The following NBAS variants were observed in gnomAD, a reference collection of about 807,000 sequenced individuals.
NBAS encodes the protein NBAS subunit of NRZ tethering complex.
NBAS carries 219 observed loss-of-function variants against 302.5 expected under a neutral mutation model. The observed-to-expected ratio is 0.72, with a 90% CI of 0.65 to 0.81. The LOEUF (loss-of-function observed/expected upper bound fraction) is 0.81. NBAS is among the 30% of genes least tolerant of loss of function. The probability of loss-of-function intolerance (pLI) is 0.00; values close to 1 mark genes in which losing one functional copy is unlikely to be tolerated. For missense variants in NBAS, 2,932 were observed against 2,841.6 expected, an observed-to-expected ratio of 1.03 and a Z score of -0.72; for synonymous variants, 1,118 against 1,021.6, an observed-to-expected ratio of 1.09 and a Z score of -1.80.
At chr2:14,891,598 C>T in the NBAS span, among the ~76,000 whole-genome samples, 1 of 152,190 alleles carries the variant, frequency 6.6e-6, no homozygotes, top group Non-Finnish European at 1.5e-5. Flanking sequence ...TCTATACTGT[C>T]ATTCCCATTT....
intron 48 of NBAS, among the ~76,000 whole-genome samples, chr2:15,203,577 A>G (rs1401440554): frequency 6.6e-6 from 1 of 152,212 alleles, no homozygotes; most frequent in Non-Finnish European, 1.5e-5. Context: ...TATTTTCTCC[A>G]AATATAAAAT....
the NBAS span, among the ~76,000 whole-genome samples, chr2:15,127,602 GTTC>G: frequency 1.3e-5 from 2 of 152,342 alleles, no homozygotes; most frequent in East Asian, 3.9e-4. Context: ...TATTAAGGCT[GTTC>G]TTCTTTTAAG....
chr2:14,882,866 T>C, the NBAS span, among the ~76,000 whole-genome samples: 1 of 152,202 alleles, frequency 6.6e-6, no homozygotes, highest in Non-Finnish European at 1.5e-5. Context: ...AACAACATCC[T>C]CTGGCACTCT....
At chr2:14,945,821 C>T in the NBAS span, among the ~76,000 whole-genome samples, 2 of 152,182 alleles carry the variant, frequency 1.3e-5, no homozygotes, top group African/African-American at 4.8e-5. Flanking sequence ...TGGCTCACAC[C>T]TGTAATATTA....
the NBAS span, among the ~76,000 whole-genome samples, chr2:14,819,061 T>A: frequency 6.6e-6 from 1 of 152,224 alleles, no homozygotes; most frequent in Non-Finnish European, 1.5e-5. Context: ...TTCCTGTGCC[T>A]CCCTCTGTCA....
the NBAS span, among the ~76,000 whole-genome samples, chr2:15,016,906 T>C: frequency 3.9e-5 from 6 of 152,330 alleles, no homozygotes; most frequent in East Asian, 5.8e-4. Flanking sequence ...GATGGTTTGA[T>C]ATAGGCATGC....
chr2:14,888,821 G>C, the NBAS span, among the ~76,000 whole-genome samples: 1 of 152,184 alleles, frequency 6.6e-6, no homozygotes, highest in Non-Finnish European at 1.5e-5. Context: ...GAGTGAGAAA[G>C]CCAGTTTTAA....
At chr2:14,890,840 C>T in the NBAS span, 1 of 146,744 alleles carries the variant, frequency 6.8e-6, no homozygotes. Flanking sequence ...AACAAACAAA[C>T]AAACAAACAA....
At chr2:15,537,854 A>C (rs540148793) in intron 7 of NBAS, among the ~76,000 whole-genome samples, 60 of 152,326 alleles carry the variant, frequency 3.9e-4, no homozygotes, top group African/African-American at 1.4e-3. Context: ...GTCTTTTGTC[A>C]GTTTAATTTG....
chr2:14,796,139 G>T, the NBAS span, among the ~76,000 whole-genome samples: 1 of 152,182 alleles, frequency 6.6e-6, no homozygotes, highest in Non-Finnish European at 1.5e-5. Context: ...TGGAAAATTT[G>T]TTGATGAGGA....
intron 12 of NBAS, among the ~76,000 whole-genome samples, chr2:15,485,952 T>C (rs1024736369): frequency 6.6e-6 from 1 of 152,168 alleles, no homozygotes; most frequent in Admixed American, 6.5e-5. Context: ...CCATGTTCCC[T>C]ACTTGGGACC....
At chr2:14,974,923 G>A in the NBAS span, among the ~76,000 whole-genome samples, 1 of 152,178 alleles carries the variant, frequency 6.6e-6, no homozygotes, top group East Asian at 1.9e-4. Flanking sequence ...GGTGGCAGAA[G>A]GAAGGGTCAG....
chr2:14,887,398 T>TTAAAAA, the NBAS span, among the ~76,000 whole-genome samples: 3 of 95,682 alleles, frequency 3.1e-5, no homozygotes, highest in African/African-American at 2.2e-4. Context: ...GTGAGACTCC[T>TTAAAAA]CAAAAAAAAA....
rs539555354 is a variant in NBAS, at chr2:15,367,282, T to TA, written c.3704-590dup. On this transcript the variant is annotated intron_variant, in intron 31 of 51. Coordinates refer to ENST00000281513, the MANE Select transcript of NBAS (RefSeq NM_015909.4). ...AACTATAAAGAAATGAAAATCACAT[T>TA]AAAAAAACCCTAGACAAAGGGTACT... 2.5e-4 allele frequency among the ~76,000 whole-genome samples: 38 copies of TA among 152,018 alleles called. No individual in the cohort carries two copies. The East Asian group carries it at 6.2e-3, about 25-fold the overall frequency.
intron 48 of NBAS, among the ~76,000 whole-genome samples, chr2:15,193,972 G>A (rs965640299): frequency 5.3e-5 from 8 of 151,552 alleles, no homozygotes; most frequent in Non-Finnish European, 1.2e-4. Flanking sequence ...AAAGAACATG[G>A]TATTCAGATA....
At chr2:15,518,363 T>G (rs1662505241) in intron 9 of NBAS, among the ~76,000 whole-genome samples, 1 of 152,228 alleles carries the variant, frequency 6.6e-6, no homozygotes, top group Admixed American at 6.5e-5. Flanking sequence ...AAATAATTTA[T>G]ATCATTAGCG....
intron 44 of NBAS, among the ~76,000 whole-genome samples, chr2:15,252,979 G>GA (rs1668431169): frequency 6.6e-6 from 1 of 152,170 alleles, no homozygotes; most frequent in Non-Finnish European, 1.5e-5. Context: ...TTAAAAAGAA[G>GA]GTGACACCTG....
intron 22 of NBAS, among the ~76,000 whole-genome samples, chr2:15,426,708 T>C (rs1310911573): frequency 6.6e-6 from 1 of 152,220 alleles, no homozygotes; most frequent in Non-Finnish European, 1.5e-5. Context: ...GTTTTCGTTG[T>C]GTATGTGGTA....
At chr2:15,134,453 T>C in the NBAS span, among the ~76,000 whole-genome samples, 1 of 152,074 alleles carries the variant, frequency 6.6e-6, no homozygotes, top group Non-Finnish European at 1.5e-5. Context: ...AAACTAAGAC[T>C]CTCTCTCTTT....
Sources: gnomAD v4.1 joint callset for allele counts (sites outside exome capture counted in the v4.1 genomes callset) on GRCh38, gnomAD v4.1.1 for gene constraint, MANE v1.5 for transcripts, NCBI Gene and HGNC (gene_info 2026-07-23, HGNC 2026-07-21) for gene names.